The following SLC29A3 variants were observed in gnomAD, a reference collection of about 807,000 sequenced individuals.
SLC29A3 encodes equilibrative nucleoside transporter 3.
Under a neutral mutation model 25.4 loss-of-function variants are expected in SLC29A3, and 18 were observed. The observed-to-expected ratio is 0.71, with a 90% CI of 0.49 to 1.05. The LOEUF is 1.05. SLC29A3 is among the 50% of genes least tolerant of loss of function. SLC29A3 has a pLI of 0.00. For synonymous variants in SLC29A3, 258 were observed against 267.1 expected, an observed-to-expected ratio of 0.97 and a Z score of 0.33; for missense variants, 586 against 609.0, an observed-to-expected ratio of 0.96 and a Z score of 0.40.
intron 2 of SLC29A3, among the ~76,000 whole-genome samples, chr10:71,327,651 T>G (rs1369781732): frequency 6.6e-6 from 1 of 152,058 alleles, no homozygotes; most frequent in Non-Finnish European, 1.5e-5. Context: ...GACAGATGAT[T>G]ACAGACTCAT....
chr10:71,369,030 A>T (rs1317611310), intron 3 of SLC29A3, among the ~76,000 whole-genome samples: 1 of 152,176 alleles, frequency 6.6e-6, no homozygotes, highest in African/African-American at 2.4e-5. Context: ...TTGGGAGGTG[A>T]TTAGATCATG....
intron 5 of SLC29A3, among the ~76,000 whole-genome samples, chr10:71,357,414 C>T (rs1018655500): frequency 8.5e-5 from 12 of 141,656 alleles, no homozygotes; most frequent in African/African-American, 2.6e-4. Context: ...GCCTCCATCT[C>T]AAAAAAAAAA....
chr10:71,360,134 C>CTTTTTTT (rs10532475), intron 5 of SLC29A3, among the ~76,000 whole-genome samples: 2 of 71,498 alleles, frequency 2.8e-5, no homozygotes, highest in East Asian at 4.2e-4. Context: ...TCTTCTTCTT[C>CTTTTTTT]TTTTTTTTTT....
chr10:71,322,079 T>A (rs1231134544), intron 1 of SLC29A3, among the ~76,000 whole-genome samples: 4 of 152,170 alleles, frequency 2.6e-5, no homozygotes, highest in African/African-American at 9.7e-5. Context: ...AATAAACTAG[T>A]CACATAGTTC....
exon 5 of SLC29A3, chr10:71,380,660 A>G (rs1336551442): frequency 1.3e-5 from 2 of 152,180 alleles, no homozygotes; most frequent in Admixed American, 6.5e-5. Context: ...TCTCCCCAGG[A>G]CACTGCCAGC....
Position 71,351,639 on chromosome 10 carries a change from A to G in SLC29A3, c.461A>G (p.Lys154Arg). The G allele has an allele frequency of 6.2e-7, 1 of 1,614,156 alleles. No homozygotes were observed. Among genetic ancestry groups the G allele is most frequent in the Non-Finnish European group, 8.5e-7 (1 of 1,179,990 alleles). Residue 154 changes from lysine to arginine, a missense_variant, in exon 4 of 6, where the codon AAG becomes AGG. Coordinates refer to ENST00000373189, the MANE Select transcript of SLC29A3 (RefSeq NM_018344.6). ...TTCATGGTGATAACTGCACTGGTGA[A>G]GGTGGACACTTCCTCCTGGACCCGT... ...AIFMVITALV[K>R]VDTSSWTRGF...
chr10:71,357,490 A>T (rs918724865), intron 5 of SLC29A3, among the ~76,000 whole-genome samples: 1 of 151,824 alleles, frequency 6.6e-6, no homozygotes, highest in Non-Finnish European at 1.5e-5. Flanking sequence ...TGCTCAAGTG[A>T]TCCTCCTGCC....
chr10:71,359,762 G>A (rs886459880), intron 5 of SLC29A3, among the ~76,000 whole-genome samples: 1 of 152,204 alleles, frequency 6.6e-6, no homozygotes, highest in African/African-American at 2.4e-5. Context: ...GATCACACAG[G>A]GAGGCAGAGA....
chr10:71,335,602 G>C (rs1366646225), intron 2 of SLC29A3, among the ~76,000 whole-genome samples: 4 of 152,222 alleles, frequency 2.6e-5, no homozygotes, highest in African/African-American at 9.6e-5. Flanking sequence ...GTGATGTGGA[G>C]ACGGGGCCAG....
intron 2 of SLC29A3, among the ~76,000 whole-genome samples, chr10:71,326,718 T>C (rs1845980730): frequency 6.6e-6 from 1 of 152,168 alleles, no homozygotes; most frequent in African/African-American, 2.4e-5. Flanking sequence ...CGCAAGGCGA[T>C]CCCTTCCCAG....
rs377762611 is a variant in SLC29A3 at position 71,322,893 on chromosome 10, G to A, written c.139G>A (p.Glu47Lys). The change falls in exon 2 of 6, where the codon GAG (glutamate) becomes AAG (lysine). Residue 47 changes from glutamate (E) to lysine (K), a missense_variant. By Grantham distance (56) the Glu-to-Lys change is moderately conservative. Transcript: ENST00000373189. ...DRPPPGLQRP[E>K]DRFCGTYIIF... ...CCCGCCCCCTGGCCTGCAGAGGCCCGAGGACCGCTTCTGTGGCACATACAT... is the reference window on the plus strand; with the variant it reads ...CCCGCCCCCTGGCCTGCAGAGGCCCAAGGACCGCTTCTGTGGCACATACAT... 6.2e-6 allele frequency: 10 copies of A among 1,614,112 alleles called. No homozygotes were observed. Among genetic ancestry groups the A allele is most frequent in the East Asian group, 4.5e-5 (2 of 44,882 alleles).
intron 3 of SLC29A3, among the ~76,000 whole-genome samples, chr10:71,372,675 T>G (rs1452232751): frequency 6.6e-6 from 1 of 152,192 alleles, no homozygotes; most frequent in Non-Finnish European, 1.5e-5. Context: ...CTGTTCCAGT[T>G]GAGGCCTCAG....
Position 71,351,610 on chromosome 10 carries a change from C to T in SLC29A3, c.432C>T (p.Ala144=), listed in dbSNP as rs754783263. The change falls in exon 4 of 6, where the codon GCC becomes GCT. Residue 144 remains alanine, a synonymous_variant. Coordinates refer to ENST00000373189, the MANE Select transcript of SLC29A3 (RefSeq NM_018344.6). The stretch of plus-strand genomic sequence containing the variant: ...TGGCCTCACTGACGGTCATCCTGGC[C>T]ATCTTCATGGTGATAACTGCACTGG... ...RVLASLTVIL[A]IFMVITALVK... 6 of 1,614,142 alleles carry T rather than the reference C, an allele frequency of 3.7e-6. No individual in the cohort carries two copies. The South Asian group carries it at 5.5e-5, about 15-fold the overall frequency.
exon 5 of SLC29A3, chr10:71,380,532 T>C (rs546903598): frequency 1.3e-5 from 2 of 152,312 alleles, no homozygotes; most frequent in East Asian, 1.9e-4. Context: ...CAGGTTGCAA[T>C]TGGGACTTCC....
intron 2 of SLC29A3, among the ~76,000 whole-genome samples, chr10:71,325,882 C>T (rs1002825018): frequency 8.0e-5 from 12 of 150,704 alleles, no homozygotes; most frequent in African/African-American, 2.9e-4. Flanking sequence ...GTGAACTCTC[C>T]ATGCTGCCTC....
chr10:71,362,353 C>G lies in SLC29A3; in HGVS notation c.1173C>G (p.Pro391=), dbSNP rs781693842. The change falls in exon 6 of 6, where the codon CCC becomes CCG. Residue 391 remains proline (P), a synonymous_variant. Coordinates refer to ENST00000373189, the MANE Select transcript of SLC29A3 (RefSeq NM_018344.6). The stretch of plus-strand genomic sequence containing the variant: ...TGCTCCTCCGGACCTGCCTCATCCC[C>G]CTCTTCGTGCTCTGTAACTACCAGC... ...GFVLLRTCLI[P]LFVLCNYQPR... 3 of 1,614,158 alleles carry G rather than the reference C, an allele frequency of 1.9e-6. No homozygotes were observed. The East Asian group carries it at 6.7e-5, about 36-fold the overall frequency.
intron 2 of SLC29A3, among the ~76,000 whole-genome samples, chr10:71,339,799 A>G (rs913848477): frequency 2.6e-5 from 4 of 151,938 alleles, no homozygotes; most frequent in East Asian, 1.9e-4. Context: ...GCTTCCCCCA[A>G]TCTTTCCAGC....
Position 71,344,219 on chromosome 10 carries a change from A to G in SLC29A3, c.311A>G (p.Glu104Gly). 6.2e-7 allele frequency: 1 copy of G among 1,614,056 alleles called. No homozygotes were observed. Among genetic ancestry groups the G allele is most frequent in the Non-Finnish European group, 8.5e-7 (1 of 1,179,954 alleles). The change falls in exon 3 of 6, where the codon GAG becomes GGG. Residue 104 changes from glutamate (E) to glycine (G), a missense_variant. Physicochemically the swap from Glu to Gly is moderately conservative, Grantham distance 98 (BLOSUM62 -2). Coordinates refer to ENST00000373189, the MANE Select transcript of SLC29A3 (RefSeq NM_018344.6). ...PEGSDILNYF[E>G]SYLAVASTVP... ...CTTGTGTGCTTGCAGAACTACTTTG[A>G]GAGCTACCTTGCCGTTGCCTCCACC... is the stretch of plus-strand genomic sequence containing the variant.
At chr10:71,341,059 C>T (rs1846391804) in intron 2 of SLC29A3, among the ~76,000 whole-genome samples, 1 of 152,162 alleles carries the variant, frequency 6.6e-6, no homozygotes. Context: ...AGAGGAGAGG[C>T]GGGCGAACGA....
Sources: allele counts gnomAD v4.1 joint callset (sites outside exome capture counted in the v4.1 genomes callset), GRCh38; gene constraint gnomAD v4.1.1; transcripts MANE v1.5; gene names NCBI Gene and HGNC (gene_info 2026-07-23, HGNC 2026-07-21).